GALNTL6: variants seen among roughly 807,000 people sequenced by gnomAD.
GALNTL6 encodes the protein polypeptide N-acetylgalactosaminyltransferase-like 6.
GALNTL6 carries 46 observed loss-of-function variants against 73.7 expected under a neutral mutation model. The observed-to-expected ratio is 0.62, with a 90% CI of 0.49 to 0.80. GALNTL6 has a LOEUF of 0.80. Ranked by LOEUF, GALNTL6 falls within the 30% of genes least tolerant of loss-of-function variation. GALNTL6 has a pLI of 0.00. For synonymous variants in GALNTL6, 259 were observed against 263.7 expected (o/e 0.98, Z 0.17); for missense variants, 604 against 755.0 (o/e 0.80, Z 2.34).
In GALNTL6 at chr4:173,017,554, C is replaced by A. The variant is rs980754257; in HGVS notation, c.1489-3922C>A. On this transcript the variant is annotated intron_variant, in intron 11 of 12. Transcript: ENST00000506823. Reference sequence around the variant, plus strand: ...ATGGCCACTGAGATAAGATAAATGGCAATAAGAAGTATTTCAAAGACCTAA... The same window carrying A: ...ATGGCCACTGAGATAAGATAAATGGAAATAAGAAGTATTTCAAAGACCTAA... Among the ~76,000 whole-genome samples, 3 of 151,812 alleles carry A rather than the reference C, an allele frequency of 2.0e-5. No homozygotes were observed. In the South Asian group the frequency reaches 6.3e-4, roughly 32 times the overall value.
At chr4:171,928,372 C>T (rs1273180824) in intron 2 of GALNTL6, among the ~76,000 whole-genome samples, 2 of 152,164 alleles carry the variant, frequency 1.3e-5, no homozygotes, top group Non-Finnish European at 2.9e-5. Context: ...CCCTTGGATG[C>T]AGTGGAGCCA....
chr4:172,693,568 G>C (rs540119469), intron 5 of GALNTL6, among the ~76,000 whole-genome samples: 1 of 152,106 alleles, frequency 6.6e-6, no homozygotes, highest in African/African-American at 2.4e-5. Context: ...GCCACATATA[G>C]ACACCTTAAC....
At chr4:171,963,861 A>G (rs1435288255) in intron 2 of GALNTL6, among the ~76,000 whole-genome samples, 4 of 152,226 alleles carry the variant, frequency 2.6e-5, no homozygotes, top group Non-Finnish European at 5.9e-5. Flanking sequence ...TCTTGAGAGC[A>G]GAAGCACTGA....
intron 2 of GALNTL6, among the ~76,000 whole-genome samples, chr4:171,943,683 T>C (rs910227327): frequency 6.6e-6 from 1 of 152,184 alleles, no homozygotes; most frequent in African/African-American, 2.4e-5. Context: ...CTTCTTGCTC[T>C]CAACCATTTA....
chr4:172,816,543 G>C (rs936116923), intron 7 of GALNTL6, among the ~76,000 whole-genome samples: 1 of 152,180 alleles, frequency 6.6e-6, no homozygotes, highest in Admixed American at 6.6e-5. Flanking sequence ...ATATGAACCT[G>C]ATGTGGTATA....
At chr4:172,579,982 A>G (rs753858048) in intron 5 of GALNTL6, among the ~76,000 whole-genome samples, 4 of 152,210 alleles carry the variant, frequency 2.6e-5, no homozygotes, top group Non-Finnish European at 5.9e-5. Context: ...TCGTAGACAT[A>G]TATGACCTGA....
At chr4:172,796,677 A>C (rs1267562567) in intron 5 of GALNTL6, among the ~76,000 whole-genome samples, 1 of 152,202 alleles carries the variant, frequency 6.6e-6, no homozygotes, top group Non-Finnish European at 1.5e-5. Flanking sequence ...GAAATGGGGC[A>C]ATGCCTTGAG....
At chr4:172,730,624 G>T (rs1736088533) in intron 5 of GALNTL6, among the ~76,000 whole-genome samples, 2 of 152,144 alleles carry the variant, frequency 1.3e-5, no homozygotes. Flanking sequence ...CATTTGGTTT[G>T]CTGGTATTTT....
intron 2 of GALNTL6, among the ~76,000 whole-genome samples, chr4:172,107,733 G>T (rs1052097849): frequency 6.7e-6 from 1 of 150,348 alleles, no homozygotes; most frequent in African/African-American, 2.4e-5. Context: ...GTTAAATGAC[G>T]AGTTAATGGG....
intron 2 of GALNTL6, among the ~76,000 whole-genome samples, chr4:172,115,412 G>T (rs1732959554): frequency 6.6e-6 from 1 of 152,126 alleles, no homozygotes; most frequent in Admixed American, 6.6e-5. Context: ...GCTTAGTGAA[G>T]ATGATGTAAA....
chr4:172,247,033 A>G (rs962435171), intron 3 of GALNTL6, among the ~76,000 whole-genome samples: 16 of 151,994 alleles, frequency 1.1e-4, no homozygotes, highest in Admixed American at 2.0e-4. Flanking sequence ...TCACCCATCT[A>G]TGGATGTAAT....
At chr4:172,432,965 C>T (rs1029368215) in intron 5 of GALNTL6, among the ~76,000 whole-genome samples, 12 of 152,132 alleles carry the variant, frequency 7.9e-5, no homozygotes, top group African/African-American at 2.9e-4. Flanking sequence ...TTTGAGTCAA[C>T]AAAGACAGTA....
At chr4:172,226,559 G>A (rs1200995007) in intron 2 of GALNTL6, among the ~76,000 whole-genome samples, 2 of 50,458 alleles carry the variant, frequency 4.0e-5, no homozygotes, top group Non-Finnish European at 9.0e-5. Context: ...AAGAAGTTCT[G>A]TGTGTGTGTG....
intron 5 of GALNTL6, among the ~76,000 whole-genome samples, chr4:172,803,474 T>C (rs557582165): frequency 6.6e-6 from 1 of 152,284 alleles, no homozygotes; most frequent in East Asian, 1.9e-4. Flanking sequence ...AAAATTGTCT[T>C]CCATGTAACT....
At position 171,883,903 on chromosome 4, in the gene GALNTL6, T is replaced by C. The variant is rs546998875; in HGVS notation, c.138+69185T>C. Among the ~76,000 whole-genome samples the C allele has an allele frequency of 5.3e-5, 8 of 152,242 alleles. No individual in the cohort carries two copies. The East Asian group carries it at 1.5e-3, about 29-fold the overall frequency. ...ACCTTGTGATCTGCCTGCCTCGGCC[T>C]CCCAAAGTGCTGGGATTACAGGCGT... On this transcript the variant is annotated intron_variant, in intron 2 of 12. Transcript: ENST00000506823.
intron 5 of GALNTL6, among the ~76,000 whole-genome samples, chr4:172,491,323 T>A (rs925877035): frequency 4.3e-5 from 6 of 138,542 alleles, no homozygotes; most frequent in South Asian, 2.5e-4. Flanking sequence ...TGCTTTTTTT[T>A]ATTATTTATT....
intron 2 of GALNTL6, among the ~76,000 whole-genome samples, chr4:172,154,152 CAT>C (rs559371820): frequency 1.0e-3 from 139 of 138,340 alleles, no homozygotes; most frequent in South Asian, 4.6e-3. Flanking sequence ...TAAAAAATCA[CAT>C]GAGTTTTTTT....
intron 5 of GALNTL6, among the ~76,000 whole-genome samples, chr4:172,494,519 G>A (rs1009452416): frequency 2.0e-5 from 3 of 152,200 alleles, no homozygotes; most frequent in Admixed American, 2.0e-4. Context: ...AGTTTATTGA[G>A]TATTGACTCA....
chr4:172,519,661 A>G (rs1230143190), intron 5 of GALNTL6, among the ~76,000 whole-genome samples: 8 of 151,760 alleles, frequency 5.3e-5, no homozygotes, highest in Non-Finnish European at 1.5e-5. Context: ...CAGTATTTAA[A>G]GTAATTTTTT....
Sources: allele counts gnomAD v4.1 joint callset (sites outside exome capture counted in the v4.1 genomes callset), GRCh38; gene constraint gnomAD v4.1.1; transcripts MANE v1.5; gene names NCBI Gene and HGNC (gene_info 2026-07-23, HGNC 2026-07-21).